Variants in CELF2 observed in about 807,000 individuals in gnomAD.
The protein encoded by CELF2 is CUGBP Elav-like family member 2.
Under a neutral mutation model 62.6 loss-of-function variants are expected in CELF2, and 8 were observed. The observed-to-expected ratio is 0.13, with a 90% confidence interval of 0.07 to 0.23. The LOEUF is 0.23. CELF2 is among the 10% of genes least tolerant of loss of function. CELF2 has a pLI of 1.00. For missense variants in CELF2, 333 were observed against 671.0 expected (o/e 0.50, Z 5.56); for synonymous variants, 258 against 250.0 (o/e 1.03, Z -0.30).
the CELF2 span, among the ~76,000 whole-genome samples, chr10:10,654,287 G>T: frequency 8.8e-6 from 1 of 113,188 alleles, no homozygotes; most frequent in East Asian, 2.2e-4. Context: ...TCTACCAGAG[G>T]TACAAGGAGG....
upstream of CELF2, among the ~76,000 whole-genome samples, chr10:11,002,978 G>C (rs2054668914): frequency 6.6e-6 from 1 of 152,148 alleles, no homozygotes; most frequent in Non-Finnish European, 1.5e-5. The surrounding 1 kb of genome is among the most constrained non-coding windows in gnomAD (Gnocchi z 4.4). Flanking sequence ...GCATTAAGAA[G>C]TGCAAAGATT....
At chr10:10,693,391 GTGC>G in the CELF2 span, among the ~76,000 whole-genome samples, 167 of 145,244 alleles carry the variant, frequency 1.1e-3, no homozygotes, top group Admixed American at 2.0e-3. Context: ...GCTTTTTGAT[GTGC>G]TGCTGGATTC....
intron 3 of CELF2, among the ~76,000 whole-genome samples, chr10:11,219,816 C>A (rs1207262226): frequency 6.6e-6 from 1 of 152,158 alleles, no homozygotes; most frequent in African/African-American, 2.4e-5. Context: ...GGGTGCCTTG[C>A]GGTTTGATTA....
the CELF2 span, among the ~76,000 whole-genome samples, chr10:10,707,650 G>A: frequency 1.3e-5 from 2 of 152,236 alleles, no homozygotes; most frequent in East Asian, 3.8e-4. Context: ...TGAAGCAGAA[G>A]CGGACGAAAT....
intron 2 of CELF2, among the ~76,000 whole-genome samples, chr10:11,183,807 G>A (rs528466891): frequency 2.6e-5 from 4 of 152,060 alleles, no homozygotes; most frequent in Admixed American, 6.6e-5. Flanking sequence ...TGAGAGTTCT[G>A]GATATGCTCT....
intron 1 of CELF2, among the ~76,000 whole-genome samples, chr10:10,863,876 A>G (rs889440715): frequency 2.6e-5 from 4 of 152,178 alleles, no homozygotes; most frequent in Non-Finnish European, 5.9e-5. Context: ...CAAACCAAAT[A>G]AGGCAACTTT....
chr10:10,888,568 A>G (rs891762393), intron 1 of CELF2, among the ~76,000 whole-genome samples: 2 of 152,188 alleles, frequency 1.3e-5, no homozygotes, highest in Non-Finnish European at 2.9e-5. Context: ...AAACCAAGAC[A>G]TTCCTTGTCC....
At chr10:10,834,227 C>A (rs757651659) in intron 1 of CELF2, among the ~76,000 whole-genome samples, 4 of 152,168 alleles carry the variant, frequency 2.6e-5, no homozygotes, top group Admixed American at 6.5e-5. Flanking sequence ...CCAAATACTG[C>A]GTGTTCTCAC....
chr10:10,616,738 G>C, the CELF2 span, among the ~76,000 whole-genome samples: 6 of 151,312 alleles, frequency 4.0e-5, no homozygotes. Flanking sequence ...GAGAGAGAGA[G>C]AGAGAGGATC....
At chr10:10,508,611 C>G in the CELF2 span, among the ~76,000 whole-genome samples, 2 of 151,120 alleles carry the variant, frequency 1.3e-5, no homozygotes, top group Non-Finnish European at 2.9e-5. Context: ...GTGTGTATGT[C>G]TTATTGATCA....
At chr10:10,686,320 G>T in the CELF2 span, among the ~76,000 whole-genome samples, 9 of 97,292 alleles carry the variant, frequency 9.3e-5, no homozygotes, top group African/African-American at 3.1e-4. Context: ...TGGGGGGGGG[G>T]GTGGGGTGGG....
At chr10:10,470,246 C>CTTAG in the CELF2 span, among the ~76,000 whole-genome samples, 1 of 151,810 alleles carries the variant, frequency 6.6e-6, no homozygotes, top group Non-Finnish European at 1.5e-5. Context: ...TACCGTCATC[C>CTTAG]TTAGCATTAA....
intron 2 of CELF2, among the ~76,000 whole-genome samples, chr10:10,967,203 T>A (rs11256939): frequency 5.9e-5 from 9 of 152,108 alleles, no homozygotes; most frequent in Non-Finnish European, 1.0e-4. Flanking sequence ...GGGTGACAGC[T>A]GGGCATTTGC....
At chr10:10,624,766 G>A in the CELF2 span, among the ~76,000 whole-genome samples, 1 of 152,124 alleles carries the variant, frequency 6.6e-6, no homozygotes. Flanking sequence ...TAAGACAGTC[G>A]TCCCAGGTTC....
At chr10:10,545,944 C>T in the CELF2 span, among the ~76,000 whole-genome samples, 22,149 of 152,034 alleles carry the variant, frequency 0.15, 1,736 homozygotes, top group South Asian at 0.23. Context: ...GGGGATAGCT[C>T]CTCCTCAGAG....
the CELF2 span, among the ~76,000 whole-genome samples, chr10:10,664,194 A>G: frequency 2.0e-5 from 3 of 152,226 alleles, no homozygotes; most frequent in Non-Finnish European, 2.9e-5. Flanking sequence ...AATAATAGGC[A>G]TATCAATATA....
chr10:10,688,716 G>GT, the CELF2 span, among the ~76,000 whole-genome samples: 23 of 151,424 alleles, frequency 1.5e-4, no homozygotes, highest in South Asian at 1.9e-3. Context: ...GTACTAGCCA[G>GT]TTTTTTTTTG....
chr10:10,552,887 C>T, the CELF2 span, among the ~76,000 whole-genome samples: 1 of 152,178 alleles, frequency 6.6e-6, no homozygotes, highest in Non-Finnish European at 1.5e-5. Context: ...GCTGCGAGGG[C>T]AGGGTCCCAG....
At chr10:10,695,676 T>C in the CELF2 span, among the ~76,000 whole-genome samples, 1 of 152,146 alleles carries the variant, frequency 6.6e-6, no homozygotes, top group African/African-American at 2.4e-5. Flanking sequence ...TTTCACATAG[T>C]CCCATATTTC....
Sources: allele counts gnomAD v4.1 joint callset (sites outside exome capture counted in the v4.1 genomes callset), GRCh38; gene constraint gnomAD v4.1.1; non-coding constraint Gnocchi (gnomAD v3.1); transcripts MANE v1.5; gene names NCBI Gene and HGNC (gene_info 2026-07-23, HGNC 2026-07-21).